The following CKAP5 variants were observed in gnomAD, a reference collection of about 807,000 sequenced individuals.
The protein encoded by CKAP5 is cytoskeleton-associated protein 5.
A neutral mutation model predicts 232.8 loss-of-function variants in CKAP5; 27 were observed. The observed-to-expected ratio is 0.12, with a 90% CI of 0.09 to 0.16. The LOEUF (loss-of-function observed/expected upper bound fraction) is 0.16, where lower values mean the gene tolerates loss of function less well. Among genes scored for constraint, CKAP5 ranks in the 10% least tolerant of loss-of-function variants. CKAP5 has a pLI of 1.00. For synonymous variants in CKAP5, 785 were observed against 841.1 expected (o/e 0.93, Z 1.16); for missense variants, 1,838 against 2,424.7 (o/e 0.76, Z 5.08).
rs1215791793 is a variant in CKAP5, at chr11:46,751,103, A to C, written c.5460+15T>G. 1 of 1,613,802 alleles carries C rather than the reference A, an allele frequency of 6.2e-7. No individual in the cohort carries two copies. The highest frequency in any genetic ancestry group is 1.7e-5 in the Admixed American group (1 of 59,986). The stretch of plus-strand genomic sequence containing the variant: ...TAGCCTCATGTCCCTCAATCTTTCA[A>C]GTCAGGCCACTCACTATTCGAGATG... On this transcript the variant is annotated intron_variant, in intron 40 of 43. Coordinates refer to ENST00000529230, the MANE Select transcript of CKAP5 (RefSeq NM_001008938.4).
At position 46,798,166 on chromosome 11, in the gene CKAP5, G is replaced by A. The variant is rs1938924879; in HGVS notation, c.1090C>T (p.Pro364Ser). 10 of 1,611,262 alleles carry A rather than the reference G, an allele frequency of 6.2e-6. No individual in the cohort carries two copies. Among genetic ancestry groups the A allele is most frequent in the South Asian group, 1.1e-5 (1 of 91,036 alleles). ...KFGQYAGHVV[P>S]TILEKFKEKK... ...TCTTTGAATTTCTCCAAGATGGTTG[G>A]CACAACCTGTAAAAGTGAATGGCTA... The change falls in exon 10 of 44, where the codon CCA becomes TCA. Residue 364 changes from proline (P) to serine (S), a missense_variant. Physicochemically the swap from Pro to Ser is moderately conservative, Grantham distance 74. Around this residue, in one of 6 missense-constraint regions of CKAP5, gnomAD observed 97 missense variants for 167.7 expected, o/e 0.58. Transcript: ENST00000529230.
intron 42 of CKAP5, among the ~76,000 whole-genome samples, chr11:46,747,574 C>T (rs1316187304): frequency 6.7e-6 from 1 of 150,226 alleles, no homozygotes. Context: ...AGCACTCCAG[C>T]CTGGGCGAGA....
In CKAP5 at chr11:46,765,189, A is replaced by G. The variant is rs1298574962; in HGVS notation, c.3479T>C (p.Ile1160Thr). The change falls in exon 28 of 44, where the codon ATT (isoleucine) becomes ACT (threonine). Residue 1160 changes from isoleucine (I) to threonine (T), a missense_variant. Ile to Thr is a moderately conservative substitution (Grantham distance 89, BLOSUM62 -1). Coordinates refer to ENST00000529230, the MANE Select transcript of CKAP5 (RefSeq NM_001008938.4). ...LKEDEDKSGPIFIVVPNGKEQ... is the reference protein window; with the variant it reads ...LKEDEDKSGPTFIVVPNGKEQ... Reference sequence around the variant, plus strand: ...TTTTCCATTTGGAACAACAATAAAAATAGGCCCGGATTTGTCTTCATCCTC... The same window carrying G: ...TTTTCCATTTGGAACAACAATAAAAGTAGGCCCGGATTTGTCTTCATCCTC... The G allele has an allele frequency of 6.2e-7, 1 of 1,613,230 alleles. No individual in the cohort carries two copies. Among genetic ancestry groups the G allele is most frequent in the Admixed American group, 1.7e-5 (1 of 59,882 alleles).
At chr11:46,763,810 A>G (rs1592441072) in intron 28 of CKAP5, among the ~76,000 whole-genome samples, 180 bp from the exon 29 acceptor site, 1 of 152,326 alleles carries the variant, frequency 6.6e-6, no homozygotes, top group South Asian at 2.1e-4. Flanking sequence ...ACAACTCTGA[A>G]AATCTTCTAG....
chr11:46,820,994 C>CA, intron 2 of CKAP5, 181 bp downstream of exon 2: 1 of 535,370 alleles, frequency 1.9e-6, no homozygotes, highest in East Asian at 3.2e-5. Flanking sequence ...TTTCCAGAGA[C>CA]AAAAAAATTT....
At chr11:46,772,151 CTGTTGT>C (rs529068399) in intron 24 of CKAP5, among the ~76,000 whole-genome samples, 1 of 150,318 alleles carries the variant, frequency 6.7e-6, no homozygotes, top group African/African-American at 2.5e-5. Context: ...TCTGATTTTT[CTGTTGT>C]TGTTGTTGTT....
rs2064998536 is a variant in CKAP5, at chr11:46,743,300, C to T, written c.*723G>A. ...ATTGGAGGGAAATCATGACCAAAATCTCAAAACAAGGAAGGATGAGATTTT... is the reference window on the plus strand; with the variant it reads ...ATTGGAGGGAAATCATGACCAAAATTTCAAAACAAGGAAGGATGAGATTTT... On this transcript the variant is annotated 3_prime_UTR_variant, in exon 44 of 44. Transcript: ENST00000529230. 1 of 152,160 alleles carries T rather than the reference C, an allele frequency of 6.6e-6. No homozygotes were observed. The highest frequency in any genetic ancestry group is 1.5e-5 in the Non-Finnish European group (1 of 68,022). The allele number at this position is 152,160 out of a possible 1,614,324, so 9.4% of individuals were successfully genotyped here. A position where few individuals can be genotyped will look rare whatever the true frequency, so the allele number is the denominator to read the frequency against.
At chr11:46,794,166 GCAT>G (rs1938812867) in intron 13 of CKAP5, among the ~76,000 whole-genome samples, 2 of 152,182 alleles carry the variant, frequency 1.3e-5, no homozygotes, top group Non-Finnish European at 2.9e-5. Flanking sequence ...GAGGGCAAAA[GCAT>G]CATAAGCCTG....
chr11:46,810,957 AT>A, intron 5 of CKAP5, 49 bp downstream of exon 5: 1 of 1,446,498 alleles, frequency 6.9e-7, no homozygotes, highest in Non-Finnish European at 9.3e-7. Context: ...GGAAGAAAAT[AT>A]TTTCATATTA....
intron 1 of CKAP5, among the ~76,000 whole-genome samples, chr11:46,840,548 A>G (rs1940028320): frequency 6.6e-6 from 1 of 152,220 alleles, no homozygotes; most frequent in South Asian, 2.1e-4. Context: ...TTGCTTACCA[A>G]AAACCTAGAA....
At chr11:46,778,733 C>CTGT in intron 20 of CKAP5, 134 bp from the exon 21 acceptor site, 1 of 686,022 alleles carries the variant, frequency 1.5e-6, no homozygotes, top group Non-Finnish European at 2.5e-6. Flanking sequence ...TTGACTACTA[C>CTGT]CTAGATTACA....
chr11:46,752,603 A>G lies in CKAP5; in HGVS notation c.5133+32T>C, dbSNP rs745469604. 5 of 1,554,508 alleles carry G rather than the reference A, an allele frequency of 3.2e-6. No individual in the cohort carries two copies. In the South Asian group the frequency reaches 5.6e-5, roughly 18 times the overall value. On this transcript the variant is annotated intron_variant, in intron 38 of 43. Coordinates refer to ENST00000529230, the MANE Select transcript of CKAP5 (RefSeq NM_001008938.4). ...TTTTAACAAAGTGATTGCATCTTTG[A>G]AAGAAAAGAGATCAAATCATTTCAA...
At chr11:46,756,242 C>T (rs1375263288) in intron 35 of CKAP5, among the ~76,000 whole-genome samples, 1 of 152,172 alleles carries the variant, frequency 6.6e-6, no homozygotes, top group African/African-American at 2.4e-5. Context: ...CCATTATCAT[C>T]CTAGTGGCAC....
In CKAP5 at chr11:46,811,041, A is replaced by T; in HGVS notation, c.596T>A (p.Leu199Gln). The T allele has an allele frequency of 6.2e-7, 1 of 1,613,962 alleles. No individual in the cohort carries two copies. The highest frequency in any genetic ancestry group is 8.5e-7 in the Non-Finnish European group (1 of 1,179,924). ...VEIYRWIRDA[L>Q]RPPLQNINSV... ...GTTTATATTTTGTAATGGGGGTCTC[A>T]GAGCATCCCGAATCCATCTGTAAAT... The change falls in exon 5 of 44, where the codon CTG becomes CAG. Residue 199 changes from leucine to glutamine, a missense_variant. Around this residue, in one of 6 missense-constraint regions of CKAP5, gnomAD observed 285 missense variants for 300.0 expected, o/e 0.95. Coordinates refer to ENST00000529230, the MANE Select transcript of CKAP5 (RefSeq NM_001008938.4).
chr11:46,843,875 T>C (rs1209912266), intron 1 of CKAP5, among the ~76,000 whole-genome samples: 1 of 152,120 alleles, frequency 6.6e-6, no homozygotes, highest in Non-Finnish European at 1.5e-5. Context: ...CCCTACCTAG[T>C]ATTGCAAAAA....
rs143431133 is a variant in CKAP5 at position 46,751,466 on chromosome 11, C to G, written c.5202G>C (p.Leu1734=). 8 of 1,613,858 alleles carry G rather than the reference C, an allele frequency of 5.0e-6. No homozygotes were observed. Among genetic ancestry groups the G allele is most frequent in the Non-Finnish European group, 6.8e-6 (8 of 1,179,970 alleles). ...AGACCTTCATGAAAATGTGGATATCCAGAAGAATTCTGTCTAGGTTAATGC... is the reference window on the plus strand; with the variant it reads ...AGACCTTCATGAAAATGTGGATATCGAGAAGAATTCTGTCTAGGTTAATGC... ...INSINLDRIL[L]DIHIFMKVFP... Residue 1734 remains leucine (L), a synonymous_variant, in exon 39 of 44, where the codon CTG becomes CTC. Transcript: ENST00000529230.
chr11:46,786,286 G>A (rs1486826593), intron 16 of CKAP5, among the ~76,000 whole-genome samples: 1 of 152,206 alleles, frequency 6.6e-6, no homozygotes, highest in Non-Finnish European at 1.5e-5. Context: ...CAGCTCCACA[G>A]TAGCCTTCAA....
At chr11:46,807,046 G>A (rs774108577) in intron 8 of CKAP5, among the ~76,000 whole-genome samples, 2 of 152,196 alleles carry the variant, frequency 1.3e-5, no homozygotes, top group Non-Finnish European at 1.5e-5. Context: ...AGGCTGTGAT[G>A]TACCTTAGGG....
At chr11:46,774,105 T>A (rs1393967939) in intron 24 of CKAP5, among the ~76,000 whole-genome samples, 1 of 152,152 alleles carries the variant, frequency 6.6e-6, no homozygotes. Context: ...ATGAACATGA[T>A]TGCATATTTA....
Sources: allele counts gnomAD v4.1 joint callset (sites outside exome capture counted in the v4.1 genomes callset), GRCh38; gene constraint gnomAD v4.1.1; regional missense constraint gnomAD v4.1.1; transcripts MANE v1.5; gene names NCBI Gene and HGNC (gene_info 2026-07-23, HGNC 2026-07-21).